Variants in METAP1 observed in about 807,000 individuals in gnomAD.
The protein encoded by METAP1 is methionyl aminopeptidase 1, also known as methionine aminopeptidase 1.
METAP1 carries 28 observed loss-of-function variants against 53.8 expected under a neutral mutation model. The ratio of observed to expected loss-of-function variants is 0.52; its 90% CI spans 0.39 to 0.71. METAP1 has a LOEUF of 0.71. Among genes scored for constraint, METAP1 ranks in the 30% least tolerant of loss-of-function variants. The pLI, the probability that METAP1 is intolerant of heterozygous loss-of-function variation, is 0.00. For synonymous variants in METAP1, 181 were observed against 165.7 expected, an observed-to-expected ratio of 1.09 and a Z score of -0.71; for missense variants, 389 against 479.8, an observed-to-expected ratio of 0.81 and a Z score of 1.77.
At chr4:99,031,726 C>A (rs1249672245) in intron 2 of METAP1, 1 of 649,644 alleles carries the variant, frequency 1.5e-6, no homozygotes, top group Non-Finnish European at 2.5e-6. Flanking sequence ...ATCAGAAAAT[C>A]CTGTCCCATG....
At chr4:99,006,022 A>G (rs1723161066) in intron 1 of METAP1, among the ~76,000 whole-genome samples, 2 of 152,228 alleles carry the variant, frequency 1.3e-5, no homozygotes, top group South Asian at 4.1e-4. Context: ...CATTAAACAA[A>G]AAACAAAAAT....
At chr4:99,034,110 G>C (rs1725259493) in intron 2 of METAP1, 120 bp from the exon 3 acceptor site, 1 of 639,220 alleles carries the variant, frequency 1.6e-6, no homozygotes. Flanking sequence ...GCCTGGACTT[G>C]TTGGCTTGGT....
intron 2 of METAP1, among the ~76,000 whole-genome samples, chr4:99,029,725 C>T (rs1724857132): frequency 6.6e-6 from 1 of 151,842 alleles, no homozygotes; most frequent in Non-Finnish European, 1.5e-5. Flanking sequence ...TTATATTCAT[C>T]TACTTGTGTA....
At position 99,039,456 on chromosome 4, in the gene METAP1, TG is replaced by T; in HGVS notation, c.424del (p.Val142TyrfsTer15). ...SSEDIEGMRL[V>X]CRLAREVLDV... ...CTGAAGATATAGAAGGGATGCGACT[TG>T]TATGTAGGGTAAGAGTGATTTTTTC... On this transcript the variant is annotated frameshift_variant, in exon 5 of 11. Transcript: ENST00000296411. LOFTEE classifies it high-confidence loss of function. 6.3e-7 allele frequency: 1 copy of T among 1,598,692 alleles called. No individual in the cohort carries two copies. Among genetic ancestry groups the T allele is most frequent in the Non-Finnish European group, 8.6e-7 (1 of 1,166,748 alleles).
chr4:99,045,085 T>C lies in METAP1; in HGVS notation c.656-94T>C, dbSNP rs1381783688. ...ATTTGAGAATGCAGAAGTTGTCTTT[T>C]TCATTAAGTTGCTAGATGCTGTCAT... On this transcript the variant is annotated intron_variant, in intron 7 of 10. Transcript: ENST00000296411. The C allele has an allele frequency of 3.1e-6, 4 of 1,300,736 alleles. No homozygotes were observed. The Admixed American group carries it at 6.6e-5, about 21-fold the overall frequency. The allele number at this position is 1,300,736 out of a possible 1,614,324, so 80.6% of individuals were successfully genotyped here.
At chr4:99,055,990 T>G (rs868208773) in intron 9 of METAP1, among the ~76,000 whole-genome samples, 1 of 152,240 alleles carries the variant, frequency 6.6e-6, no homozygotes, top group Admixed American at 6.5e-5. Flanking sequence ...AGCTCCAGAT[T>G]TGAAATCTGC....
intron 1 of METAP1, among the ~76,000 whole-genome samples, chr4:99,000,753 A>C (rs1187823909): frequency 1.0e-4 from 15 of 144,664 alleles, no homozygotes. Flanking sequence ...CCCAAGGTTG[A>C]AGTGCAGTGG....
rs1725790874 is a variant in METAP1 at position 99,040,659 on chromosome 4, T to G, written c.433-384T>G. Among the ~76,000 whole-genome samples the G allele has an allele frequency of 5.4e-4, 9 of 16,586 alleles. No homozygotes were observed. The East Asian group carries it at 0.35, about 638-fold the overall frequency. 10.9% of individuals were successfully genotyped at this position (16,586 alleles called of 152,430 possible). ...GCATGTGCCACTACACCTGACTACT[T>G]TTTTTTTTTTTTTTTTTAAGAGACA... On this transcript the variant is annotated intron_variant, in intron 5 of 10. Coordinates refer to ENST00000296411, the MANE Select transcript of METAP1 (RefSeq NM_015143.3).
At chr4:99,054,744 G>A (rs1324617888) in intron 9 of METAP1, among the ~76,000 whole-genome samples, 1 of 152,056 alleles carries the variant, frequency 6.6e-6, no homozygotes, top group African/African-American at 2.4e-5. Flanking sequence ...GCCATTCTAG[G>A]GCTATTAAGT....
chr4:99,044,070 G>C (rs1218520814), intron 7 of METAP1, among the ~76,000 whole-genome samples: 1 of 152,000 alleles, frequency 6.6e-6, no homozygotes, highest in African/African-American at 2.4e-5. Flanking sequence ...GAGACTGCAG[G>C]CTCATTGCTA....
intron 8 of METAP1, 70 bp downstream of exon 8, chr4:99,045,380 A>C (rs1726148245): frequency 1.9e-6 from 3 of 1,562,772 alleles, no homozygotes; most frequent in Admixed American, 3.6e-5. Context: ...TGGGCGCTGC[A>C]GTTCTGTGCA....
intron 1 of METAP1, among the ~76,000 whole-genome samples, chr4:99,011,720 C>A (rs28664730): frequency 6.6e-6 from 1 of 152,006 alleles, no homozygotes; most frequent in Non-Finnish European, 1.5e-5. Flanking sequence ...GCAGGCGGAT[C>A]ACCTGAGGTT....
In METAP1 at chr4:99,032,290, C is replaced by A. The variant is rs183225044; in HGVS notation, c.167-1940C>A. On this transcript the variant is annotated intron_variant, in intron 2 of 10. Coordinates refer to ENST00000296411, the MANE Select transcript of METAP1 (RefSeq NM_015143.3). ...TTGCCCAGGCTGGAGTGCAGTGGTG[C>A]AATCATGGCTCACTGCAGCCTTAAC... Among the ~76,000 whole-genome samples the A allele has an allele frequency of 3.8e-4, 58 of 151,350 alleles. 1 individual carries two copies. The highest frequency in any genetic ancestry group is 7.2e-4 in the Admixed American group (11 of 15,200).
chr4:99,041,326 T>C (rs1422499363), intron 6 of METAP1, among the ~76,000 whole-genome samples, 200 bp downstream of exon 6: 1 of 152,144 alleles, frequency 6.6e-6, no homozygotes, highest in African/African-American at 2.4e-5. Context: ...AATATTAAGG[T>C]CTGAGGTAAG....
intron 1 of METAP1, chr4:99,022,617 CA>C: frequency 1.4e-6 from 1 of 740,128 alleles, no homozygotes; most frequent in East Asian, 2.5e-5. Flanking sequence ...CCTCCACTCT[CA>C]GGTGCTGCCT....
At chr4:99,040,995 T>G in intron 5 of METAP1, 48 bp from the exon 6 acceptor site, 5 of 1,347,454 alleles carry the variant, frequency 3.7e-6, no homozygotes, top group Non-Finnish European at 5.2e-6. Flanking sequence ...GGGTATAGAT[T>G]TCTGTTTCTG....
At chr4:99,032,339 T>C (rs1228007672) in intron 2 of METAP1, among the ~76,000 whole-genome samples, 1 of 151,986 alleles carries the variant, frequency 6.6e-6, no homozygotes, top group Non-Finnish European at 1.5e-5. Flanking sequence ...GCAATCCTTC[T>C]ATTTCACCTC....
In METAP1 at chr4:99,061,677, T is replaced by C. The variant is rs1727555960; in HGVS notation, c.*360T>C. Reference sequence around the variant, plus strand: ...ATTGGAAATGAGAATCTTTGAAACTTAGCAATATGTGTTGCACCAGATTTT... The same window carrying C: ...ATTGGAAATGAGAATCTTTGAAACTCAGCAATATGTGTTGCACCAGATTTT... On this transcript the variant is annotated 3_prime_UTR_variant, in exon 11 of 11. Transcript: ENST00000296411. 2 of 166,594 alleles carry C rather than the reference T, an allele frequency of 1.2e-5. No homozygotes were observed. Among genetic ancestry groups the C allele is most frequent in the Non-Finnish European group, 2.6e-5 (2 of 77,734 alleles). 10.3% of individuals were successfully genotyped at this position (166,594 alleles called of 1,614,324 possible).
At chr4:99,004,477 AC>A (rs1254684626) in intron 1 of METAP1, among the ~76,000 whole-genome samples, 1 of 15,562 alleles carries the variant, frequency 6.4e-5, no homozygotes, top group African/African-American at 2.6e-4. Context: ...ACACACACAC[AC>A]ACACATACAC....
Sources: allele counts gnomAD v4.1 joint callset (sites outside exome capture counted in the v4.1 genomes callset), GRCh38; gene constraint gnomAD v4.1.1; transcripts MANE v1.5; gene names NCBI Gene and HGNC (gene_info 2026-07-23, HGNC 2026-07-21).